TLK1: variants seen among roughly 807,000 people sequenced by gnomAD.
TLK1 encodes the protein serine/threonine-protein kinase tousled-like 1.
Under a neutral mutation model 105.3 loss-of-function variants are expected in TLK1, and 24 were observed. The ratio of observed to expected loss-of-function variants is 0.23; its 90% confidence interval spans 0.17 to 0.32. The LOEUF (loss-of-function observed/expected upper bound fraction) is 0.32, where lower values mean the gene tolerates loss of function less well. Among genes scored for constraint, TLK1 ranks in the 10% least tolerant of loss-of-function variants. The pLI is 1.00. For synonymous variants in TLK1, 321 were observed against 310.4 expected, an observed-to-expected ratio of 1.03 and a Z score of -0.36; for missense variants, 558 against 910.5, an observed-to-expected ratio of 0.61 and a Z score of 4.98.
intron 4 of TLK1, chr2:171,059,980 G>A (rs1687674282): frequency 1.2e-6 from 2 of 1,612,338 alleles, no homozygotes; most frequent in Non-Finnish European, 1.7e-6. Context: ...CGGGAGGTTG[G>A]GGAACCCTGC....
chr2:170,994,978 T>G (rs1683984391), intron 20 of TLK1, among the ~76,000 whole-genome samples: 1 of 152,210 alleles, frequency 6.6e-6, no homozygotes, highest in Non-Finnish European at 1.5e-5. Context: ...AAAAGGTAAC[T>G]ATTTTGCACT....
At chr2:171,063,035 T>C (rs925973256) in intron 3 of TLK1, among the ~76,000 whole-genome samples, 3 of 152,212 alleles carry the variant, frequency 2.0e-5, no homozygotes, top group Non-Finnish European at 4.4e-5. Flanking sequence ...TTAAAAATTC[T>C]TTTAACATTT....
chr2:171,180,447 A>G (rs1692908965), intron 1 of TLK1, among the ~76,000 whole-genome samples: 1 of 152,216 alleles, frequency 6.6e-6, no homozygotes, highest in Non-Finnish European at 1.5e-5. Flanking sequence ...ATTCCTGGAA[A>G]CAAAAGAGGA....
At position 171,151,028 on chromosome 2, in the gene TLK1, CT is replaced by C. The variant is rs796254850; in HGVS notation, c.139+9261del. On this transcript the variant is annotated intron_variant, in intron 1 of 20. Coordinates refer to ENST00000431350, the MANE Select transcript of TLK1 (RefSeq NM_012290.5). ...TCTCTATGTGTGCCTGGGTACATTC[CT>C]TTTTTTTTTTTAGACAAGGCCTCAC... Among the ~76,000 whole-genome samples, 256 of 143,976 alleles carry C rather than the reference CT, an allele frequency of 1.8e-3. 1 individual carries two copies. The highest frequency in any genetic ancestry group is 3.6e-3 in the Middle Eastern group (1 of 278). 94.5% of individuals were successfully genotyped at this position (143,976 alleles called of 152,430 possible).
chr2:171,022,763 T>C (rs1685588592), intron 12 of TLK1: 1 of 186,120 alleles, frequency 5.4e-6, no homozygotes, highest in Admixed American at 5.5e-5. Context: ...TATGCAAACT[T>C]ATTCTTTGTG....
chr2:171,068,489 T>C (rs1407347848), intron 3 of TLK1, among the ~76,000 whole-genome samples: 2 of 152,154 alleles, frequency 1.3e-5, no homozygotes, highest in African/African-American at 4.8e-5. Flanking sequence ...TTTTTTTAAA[T>C]TGCTCTATCA....
Position 171,160,173 on chromosome 2 carries a change from C to A in TLK1, c.139+117G>T. 1 of 1,157,524 alleles carries A rather than the reference C, an allele frequency of 8.6e-7. No individual in the cohort carries two copies. The highest frequency in any genetic ancestry group is 1.1e-6 in the Non-Finnish European group (1 of 911,972). The allele number at this position is 1,157,524 out of a possible 1,614,324, so 71.7% of individuals were successfully genotyped here. A position where few individuals can be genotyped will look rare whatever the true frequency, so the allele number is the denominator to read the frequency against. ...GGCCTCGCGTCCACCTCGCCACCAT[C>A]CCCCACCCCAGGGTCTGGCGGAGAA... On this transcript the variant is annotated intron_variant, in intron 1 of 20. Transcript: ENST00000431350. This position sits in a 1 kb window ranked among gnomAD's most constrained non-coding sequence, Gnocchi z 4.4.
intron 5 of TLK1, among the ~76,000 whole-genome samples, chr2:171,057,155 C>T (rs1397864655): frequency 1.3e-5 from 2 of 152,016 alleles, no homozygotes; most frequent in African/African-American, 2.4e-5. Flanking sequence ...TGATCTATTC[C>T]ATAGCTATCT....
chr2:171,204,513 G>A (rs1187602218), intron 1 of TLK1, among the ~76,000 whole-genome samples: 1 of 151,390 alleles, frequency 6.6e-6, no homozygotes, highest in Non-Finnish European at 1.5e-5. Flanking sequence ...CAGCTTAAAG[G>A]CAGGCCTGGT....
intron 2 of TLK1, among the ~76,000 whole-genome samples, chr2:171,092,975 G>C (rs895090350): frequency 1.3e-5 from 2 of 152,144 alleles, no homozygotes; most frequent in African/African-American, 4.8e-5. Context: ...TAATATTAAA[G>C]CAAGTCCAGA....
intron 11 of TLK1, among the ~76,000 whole-genome samples, chr2:171,037,726 T>C (rs1213585616): frequency 6.6e-6 from 1 of 152,188 alleles, no homozygotes; most frequent in African/African-American, 2.4e-5. Context: ...TCTTCATAAA[T>C]TAGCATTTTT....
At chr2:171,141,432 C>T (rs997300626) in intron 1 of TLK1, among the ~76,000 whole-genome samples, 1 of 152,116 alleles carries the variant, frequency 6.6e-6, no homozygotes, top group Non-Finnish European at 1.5e-5. Flanking sequence ...GCAGTGCAGT[C>T]CTACGTCACA....
chr2:171,180,381 A>G (rs1192016402), intron 1 of TLK1, among the ~76,000 whole-genome samples: 1 of 152,204 alleles, frequency 6.6e-6, no homozygotes, highest in Non-Finnish European at 1.5e-5. Context: ...TTGAAATCAC[A>G]GATTAGCAAC....
At chr2:171,138,939 C>T (rs1434381789) in intron 1 of TLK1, among the ~76,000 whole-genome samples, 1 of 152,030 alleles carries the variant, frequency 6.6e-6, no homozygotes, top group Non-Finnish European at 1.5e-5. Flanking sequence ...ACAGTAACTA[C>T]AATACATAAG....
At chr2:171,023,293 A>G (rs1685613857) in intron 12 of TLK1, among the ~76,000 whole-genome samples, 1 of 152,190 alleles carries the variant, frequency 6.6e-6, no homozygotes. Flanking sequence ...CTGCAAAGAT[A>G]CATTTGTGTT....
chr2:171,112,261 T>C (rs1014763979), intron 2 of TLK1, among the ~76,000 whole-genome samples: 2 of 152,208 alleles, frequency 1.3e-5, no homozygotes, highest in Non-Finnish European at 1.5e-5. Flanking sequence ...GATAAATGTT[T>C]TTTAAATAGT....
At chr2:171,220,266 A>G (rs151067255) in intron 1 of TLK1, among the ~76,000 whole-genome samples, 1 of 152,300 alleles carries the variant, frequency 6.6e-6, no homozygotes, top group African/African-American at 2.4e-5. Flanking sequence ...AAAGATGTGT[A>G]CTACATCATC....
intron 4 of TLK1, chr2:171,060,012 G>A (rs1687676471): frequency 1.9e-6 from 3 of 1,611,624 alleles, no homozygotes; most frequent in Non-Finnish European, 2.5e-6. Context: ...GGAGAGGTCT[G>A]CTTTGGACTT....
chr2:171,145,101 G>A (rs184368238), intron 1 of TLK1, among the ~76,000 whole-genome samples: 4 of 152,284 alleles, frequency 2.6e-5, no homozygotes, highest in Admixed American at 2.6e-4. Context: ...TTGAGGCCAG[G>A]AGTTCGAGAC....
Sources: gnomAD v4.1 joint callset for allele counts (sites outside exome capture counted in the v4.1 genomes callset) on GRCh38, gnomAD v4.1.1 for gene constraint, Gnocchi (gnomAD v3.1) non-coding constraint, MANE v1.5 for transcripts, NCBI Gene and HGNC (gene_info 2026-07-23, HGNC 2026-07-21) for gene names.